Variants in EXTL3 observed in about 807,000 individuals in gnomAD.
EXTL3 encodes the protein exostosin like glycosyltransferase 3.
Under a neutral mutation model 69.3 loss-of-function variants are expected in EXTL3, and 27 were observed. The ratio of observed to expected loss-of-function variants is 0.39; its 90% CI spans 0.29 to 0.54. The LOEUF is 0.54. Ranked by LOEUF, EXTL3 falls within the 20% of genes least tolerant of loss-of-function variation. The pLI, the probability that EXTL3 is intolerant of heterozygous loss-of-function variation, is 0.69. For synonymous variants in EXTL3, 511 were observed against 499.4 expected (o/e 1.02, Z -0.31); for missense variants, 1,003 against 1,231.8 (o/e 0.81, Z 2.78).
rs200923391 is a variant in EXTL3 at position 28,717,520 on chromosome 8, G to A, written c.1461G>A (p.Lys487=). 1.1e-5 allele frequency: 18 copies of A among 1,614,262 alleles called. 1 individual carries two copies. In the Admixed American group the frequency reaches 1.8e-4, roughly 16 times the overall value. ...ACGAGGCGGCCCTGGTGGTGCCAAA[G>A]CCTCGTGTTACCGAGGTTCATTTCC... ...QWNEAALVVP[K]PRVTEVHFLL... Residue 487 remains lysine (K), a synonymous_variant, in exon 3 of 7, where the codon AAG becomes AAA. Coordinates refer to ENST00000220562, the MANE Select transcript of EXTL3 (RefSeq NM_001440.4). This position sits in a 1 kb window ranked among gnomAD's most constrained non-coding sequence, Gnocchi z 8.3.
intron 1 of EXTL3, among the ~76,000 whole-genome samples, chr8:28,633,852 G>C (rs1390922199): frequency 6.6e-6 from 1 of 152,126 alleles, no homozygotes; most frequent in East Asian, 1.9e-4. Context: ...TGTGGCCCTT[G>C]ACAGAAAACG....
chr8:28,749,515 C>A (rs767461681), intron 6 of EXTL3, among the ~76,000 whole-genome samples: 1 of 152,188 alleles, frequency 6.6e-6, no homozygotes, highest in African/African-American at 2.4e-5. Context: ...GCCAGTGTTT[C>A]CAAAGGCCCC....
chr8:28,683,217 T>C (rs1807521405), intron 1 of EXTL3, among the ~76,000 whole-genome samples: 1 of 152,190 alleles, frequency 6.6e-6, no homozygotes, highest in Non-Finnish European at 1.5e-5. Flanking sequence ...TTCAAGATTG[T>C]TTTGGCTATT....
intron 1 of EXTL3, among the ~76,000 whole-genome samples, chr8:28,706,838 CT>C (rs201853051): frequency 0.17 from 25,129 of 146,868 alleles, 2,455 homozygotes; most frequent in Middle Eastern, 0.22. Context: ...CAAATTTAAG[CT>C]TTTTTTTTTT....
intron 1 of EXTL3, among the ~76,000 whole-genome samples, chr8:28,673,749 ATC>A (rs1807336574): frequency 6.6e-6 from 1 of 152,204 alleles, no homozygotes; most frequent in South Asian, 2.1e-4. Flanking sequence ...ATCTGGAGAT[ATC>A]TCTATGTCTA....
At chr8:28,724,621 A>G (rs1801371330) in intron 3 of EXTL3, among the ~76,000 whole-genome samples, 1 of 150,842 alleles carries the variant, frequency 6.6e-6, no homozygotes, top group African/African-American at 2.4e-5. Context: ...AAAAAAAAGA[A>G]GAAGAAAAAA....
At chr8:28,672,270 T>C (rs1485874333) in intron 1 of EXTL3, among the ~76,000 whole-genome samples, 2 of 151,684 alleles carry the variant, frequency 1.3e-5, no homozygotes, top group Non-Finnish European at 2.9e-5. Flanking sequence ...ACAAAAAAAT[T>C]AGCCGGGCAT....
chr8:28,703,832 A>T (rs985454129), intron 1 of EXTL3, among the ~76,000 whole-genome samples: 4 of 152,228 alleles, frequency 2.6e-5, no homozygotes, highest in Admixed American at 6.5e-5. Context: ...TTCTATTAAC[A>T]TATTTCTATT....
intron 1 of EXTL3, chr8:28,710,410 G>A: frequency 2.2e-6 from 1 of 454,868 alleles, no homozygotes; most frequent in South Asian, 1.6e-5. Context: ...AGCAGGAGAG[G>A]ACATGGGCAG....
intron 1 of EXTL3, among the ~76,000 whole-genome samples, chr8:28,657,997 T>A (rs960234387): frequency 1.3e-5 from 2 of 152,182 alleles, no homozygotes; most frequent in African/African-American, 4.8e-5. Flanking sequence ...GACAGCTGAT[T>A]CTGAGCCCGC....
chr8:28,731,414 C>T (rs1801535871), intron 4 of EXTL3, 64 bp downstream of exon 4: 1 of 1,589,634 alleles, frequency 6.3e-7, no homozygotes, highest in Non-Finnish European at 8.6e-7. Context: ...GATTAGGCTG[C>T]AAAATGAATT....
At chr8:28,665,242 T>A (rs1214468333) in intron 1 of EXTL3, among the ~76,000 whole-genome samples, 2 of 151,358 alleles carry the variant, frequency 1.3e-5, no homozygotes, top group East Asian at 3.9e-4. Flanking sequence ...GCCTGACTCA[T>A]TTTTGTATTT....
chr8:28,714,946 C>G (rs1435101305), intron 2 of EXTL3, among the ~76,000 whole-genome samples: 2 of 152,194 alleles, frequency 1.3e-5, no homozygotes, highest in Non-Finnish European at 2.9e-5. Flanking sequence ...AGTGTTCTTT[C>G]TAAAAGAGCA....
At chr8:28,663,804 G>T (rs972400834) in intron 1 of EXTL3, among the ~76,000 whole-genome samples, 1 of 152,052 alleles carries the variant, frequency 6.6e-6, no homozygotes, top group Non-Finnish European at 1.5e-5. Flanking sequence ...ACAAGACAGC[G>T]TTCTCAAACC....
At chr8:28,729,292 C>CA (rs72487306) in intron 3 of EXTL3, among the ~76,000 whole-genome samples, 2,200 of 73,936 alleles carry the variant, frequency 0.03, 98 homozygotes, top group African/African-American at 0.066. Flanking sequence ...GACTCTATCT[C>CA]AAAAAAAAAA....
chr8:28,643,963 C>T (rs1307756398), intron 1 of EXTL3, among the ~76,000 whole-genome samples: 1 of 152,136 alleles, frequency 6.6e-6, no homozygotes, highest in Non-Finnish European at 1.5e-5. Context: ...TAGGGTCTCA[C>T]TCTGTTGCCC....
intron 2 of EXTL3, among the ~76,000 whole-genome samples, chr8:28,615,860 C>G (rs1248321976): frequency 6.6e-6 from 1 of 152,118 alleles, no homozygotes; most frequent in Admixed American, 6.5e-5. Flanking sequence ...AGGCTTTAGC[C>G]ACCATGTCCG....
At chr8:28,650,578 C>T (rs1806903553) in intron 1 of EXTL3, among the ~76,000 whole-genome samples, 1 of 152,018 alleles carries the variant, frequency 6.6e-6, no homozygotes, top group South Asian at 2.1e-4. Context: ...AGGCTGGTCC[C>T]AAACTGCTGA....
chr8:28,737,197 C>T (rs1193853161), intron 4 of EXTL3, among the ~76,000 whole-genome samples: 4 of 152,208 alleles, frequency 2.6e-5, no homozygotes, highest in African/African-American at 9.6e-5. Context: ...ATACCCCATT[C>T]TGGAGCCCTC....
Sources: allele counts gnomAD v4.1 joint callset (sites outside exome capture counted in the v4.1 genomes callset), GRCh38; gene constraint gnomAD v4.1.1; non-coding constraint Gnocchi (gnomAD v3.1); transcripts MANE v1.5; gene names NCBI Gene and HGNC (gene_info 2026-07-23, HGNC 2026-07-21).